Variants in PPEF1 observed in about 807,000 individuals in gnomAD.
The protein encoded by PPEF1 is serine/threonine-protein phosphatase with EF-hands 1.
In PPEF1, 12 loss-of-function variants were observed where a neutral mutation model predicts 53.3. The observed-to-expected ratio is 0.23, with a 90% CI of 0.14 to 0.36. PPEF1 has a LOEUF of 0.36. Ranked by LOEUF, PPEF1 falls within the 10% of genes least tolerant of loss-of-function variation. PPEF1 has a pLI of 1.00. For missense variants in PPEF1, 334 were observed against 490.4 expected (o/e 0.68, Z 3.01); for synonymous variants, 165 against 176.7 (o/e 0.93, Z 0.52).
chrX:18,720,961 A>G (rs191984331), intron 1 of PPEF1, among the ~76,000 whole-genome samples: 49 of 111,102 alleles, frequency 4.4e-4, no homozygotes, highest in African/African-American at 1.5e-3. Flanking sequence ...TTATCATCCT[A>G]TTCTCTGATT....
chrX:18,734,563 ATTG>A, intron 3 of PPEF1, among the ~76,000 whole-genome samples: 1 of 110,935 alleles, frequency 9.0e-6, no homozygotes, highest in East Asian at 2.8e-4. Context: ...AGTCTTTGCT[ATTG>A]TGAATAGTGC....
chrX:18,788,569 C>T, intron 9 of PPEF1, among the ~76,000 whole-genome samples: 1 of 111,036 alleles, frequency 9.0e-6, no homozygotes, highest in South Asian at 3.8e-4. Context: ...TAGAGAACAT[C>T]GTCAATGGCT....
At chrX:18,687,416 G>A (rs1405931028) in intron 3 of PPEF1, among the ~76,000 whole-genome samples, 1 of 111,325 alleles carries the variant, frequency 9.0e-6, no homozygotes, top group Non-Finnish European at 1.9e-5. Flanking sequence ...GAAGCAATAG[G>A]CACAGAGAGG....
Position 18,778,990 on chromosome X carries a change from C to A in PPEF1, c.559-20C>A. 8.6e-7 allele frequency: 1 copy of A among 1,159,685 alleles called. No individual in the cohort carries two copies. The highest frequency in any genetic ancestry group is 1.2e-6 in the Non-Finnish European group (1 of 857,266). On this transcript the variant is annotated intron_variant, in intron 6 of 15. Coordinates refer to ENST00000470157, the MANE Select transcript of PPEF1 (RefSeq NM_001377996.1). ...ATATTCTTTTAATTCCTTGTTTTTT[C>A]CCTTCTCCTCCTTCCACAGAATGGT...
chrX:18,683,011 A>G (rs1250215885), intron 1 of PPEF1, among the ~76,000 whole-genome samples: 1 of 111,422 alleles, frequency 9.0e-6, no homozygotes, highest in African/African-American at 3.3e-5. Flanking sequence ...GGCAAGAGAG[A>G]AATGAGAGCC....
intron 11 of PPEF1, among the ~76,000 whole-genome samples, chrX:18,804,667 T>C (rs961949850): frequency 4.5e-5 from 5 of 112,299 alleles, no homozygotes; most frequent in African/African-American, 1.6e-4. Context: ...TTGGTTCTTA[T>C]AAGGCAACTG....
chrX:18,744,901 T>G (rs983594303), intron 3 of PPEF1, among the ~76,000 whole-genome samples: 1 of 106,620 alleles, frequency 9.4e-6, no homozygotes, highest in Admixed American at 1.1e-4. Context: ...TATCATCCCC[T>G]TTTTGTAGAT....
At position 18,707,669 on chromosome X, in the gene PPEF1, T is replaced by C; in HGVS notation, c.-112T>C. The C allele has an allele frequency of 4.6e-6, 3 of 658,020 alleles. No individual in the cohort carries two copies. The highest frequency in any genetic ancestry group is 5.3e-5 in the Admixed American group (2 of 37,512). 54.2% of individuals were successfully genotyped at this position (658,020 alleles called of 1,213,427 possible). A position where few individuals can be genotyped will look rare whatever the true frequency, so the allele number is the denominator to read the frequency against. ...TGTATTCCTCATTAGAATCTATGAC[T>C]GAAGAGGATCGGCTAAGAGTGGTTC... On this transcript the variant is annotated 5_prime_UTR_variant, in exon 1 of 16. Transcript: ENST00000470157.
rs765835841 is a variant in PPEF1 at position 18,806,522 on chromosome X, G to A, written c.1371G>A (p.Thr457=). The stretch of plus-strand genomic sequence containing the variant: ...TCCAGTACCAAGTAACTAAAGCAAC[G>A]TGCTTTCAGCCTCTTCGCCAAAGGT... ...RFFQYQVTKA[T]CFQPLRQRVD... The change falls in exon 12 of 16, where the codon ACG becomes ACA. Residue 457 remains threonine (T), a synonymous_variant. Coordinates refer to ENST00000470157, the MANE Select transcript of PPEF1 (RefSeq NM_001377996.1). 4.1e-6 allele frequency: 5 copies of A among 1,209,307 alleles called. No homozygotes were observed. The highest frequency in any genetic ancestry group is 2.2e-6 in the Non-Finnish European group (2 of 894,220).
rs188307363 is a variant in PPEF1, at chrX:18,785,274, G to A, written c.912+1226G>A. Among the ~76,000 whole-genome samples, 330 of 111,529 alleles carry A rather than the reference G, an allele frequency of 3.0e-3. 1 individual carries two copies. Among genetic ancestry groups the A allele is most frequent in the African/African-American group, 9.9e-3 (304 of 30,691 alleles). On this transcript the variant is annotated intron_variant, in intron 9 of 15. Transcript: ENST00000470157. The stretch of plus-strand genomic sequence containing the variant: ...GTACATATCTTTCATCACAGTTACC[G>A]AATTTAAGTAAGAAATTGTGGTACT...
intron 1 of PPEF1, among the ~76,000 whole-genome samples, chrX:18,711,184 G>C (rs2044318756): frequency 9.2e-6 from 1 of 108,584 alleles, no homozygotes; most frequent in Admixed American, 1.0e-4. Context: ...GGAACAAGAA[G>C]CCATTATCCT....
At chrX:18,826,705 C>T (rs1444671722) in intron 15 of PPEF1, among the ~76,000 whole-genome samples, 3 of 110,092 alleles carry the variant, frequency 2.7e-5, no homozygotes, top group Non-Finnish European at 3.8e-5. Context: ...GGATTACAGG[C>T]GTGAGCCACT....
At chrX:18,824,413 C>T (rs1012932971) in intron 14 of PPEF1, among the ~76,000 whole-genome samples, 6 of 109,733 alleles carry the variant, frequency 5.5e-5, no homozygotes, top group African/African-American at 2.0e-4. Flanking sequence ...GCACTCCAGC[C>T]TGGGTGACAG....
At chrX:18,716,018 A>G (rs1249610535) in intron 1 of PPEF1, among the ~76,000 whole-genome samples, 1 of 111,957 alleles carries the variant, frequency 8.9e-6, no homozygotes, top group African/African-American at 3.3e-5. Context: ...GTATTTATTC[A>G]ATTTCTGTAA....
At chrX:18,812,911 C>T (rs2046836727) in intron 12 of PPEF1, among the ~76,000 whole-genome samples, 1 of 110,233 alleles carries the variant, frequency 9.1e-6, no homozygotes, top group Admixed American at 9.8e-5. Flanking sequence ...CTAATTTTTT[C>T]AATTTTCTGT....
At chrX:18,724,890 G>A (rs1185715461) in intron 1 of PPEF1, among the ~76,000 whole-genome samples, 1 of 111,024 alleles carries the variant, frequency 9.0e-6, no homozygotes, top group Non-Finnish European at 1.9e-5. Flanking sequence ...GGCTAGTGCT[G>A]TCCTGTGGTG....
chrX:18,690,042 T>C (rs931683641), intron 3 of PPEF1, among the ~76,000 whole-genome samples: 1 of 111,291 alleles, frequency 9.0e-6, no homozygotes, highest in Non-Finnish European at 1.9e-5. Flanking sequence ...TGAATACTTG[T>C]CCTTTGCAAT....
At position 18,699,087 on chromosome X, in the gene PPEF1, A is replaced by G. The variant is rs1026329714; in HGVS notation, c.-226+1156A>G. 3.6e-5 allele frequency among the ~76,000 whole-genome samples: 4 copies of G among 110,450 alleles called. No homozygotes were observed. In the South Asian group the frequency reaches 1.2e-3, roughly 32 times the overall value. ...CAGCTGTATAGCTACATTGTCCACT[A>G]TTTTTTTTGGAGCCTGAGTAATTAT... On this transcript the variant is annotated intron_variant, in intron 5 of 21. Coordinates refer to the PPEF1 transcript ENST00000361511.
Position 18,823,996 on chromosome X carries a change from C to T in PPEF1, c.1575C>T (p.Leu525=), listed in dbSNP as rs1226153746. The T allele has an allele frequency of 2.5e-6, 3 of 1,207,269 alleles. No individual in the cohort carries two copies. Among genetic ancestry groups the T allele is most frequent in the Admixed American group, 4.3e-5 (2 of 46,010 alleles). The change falls in exon 14 of 16, where the codon CTC becomes CTT. Residue 525 remains leucine (L), a synonymous_variant. Transcript: ENST00000470157. ...GGCTGAACTTACCATGGAGATCCCT[C>T]AGTTCGAATCTGGTAAACATAGACC... ...ILGLNLPWRS[L]SSNLVNIDQN...
Sources: gnomAD v4.1 joint callset for allele counts (sites outside exome capture counted in the v4.1 genomes callset) on GRCh38, gnomAD v4.1.1 for gene constraint, MANE v1.5 for transcripts, NCBI Gene and HGNC (gene_info 2026-07-23, HGNC 2026-07-21) for gene names.